The following CLN8 variants were observed in gnomAD, a reference collection of about 807,000 sequenced individuals.
CLN8 encodes protein CLN8.
CLN8 carries 14 observed loss-of-function variants against 15.7 expected under a neutral mutation model. That is an observed-to-expected ratio of 0.89 (90% confidence interval 0.59 to 1.39). CLN8 has a LOEUF of 1.39. CLN8 is among the 40% of genes most tolerant of loss of function. The probability of loss-of-function intolerance (pLI) is 0.00; values close to 1 mark genes in which losing one functional copy is unlikely to be tolerated. For synonymous variants in CLN8, 188 were observed against 151.0 expected, an observed-to-expected ratio of 1.25 and a Z score of -1.80; for missense variants, 415 against 364.0, an observed-to-expected ratio of 1.14 and a Z score of -1.14.
upstream of CLN8, among the ~76,000 whole-genome samples, chr8:1,755,045 C>T (rs1282492311): frequency 6.6e-6 from 1 of 152,162 alleles, no homozygotes; most frequent in Non-Finnish European, 1.5e-5. Context: ...CTGGGGCTGC[C>T]AGATCTGCTG....
chr8:1,772,616 C>G (rs1039113602), intron 2 of CLN8, among the ~76,000 whole-genome samples: 1 of 151,370 alleles, frequency 6.6e-6, no homozygotes, highest in African/African-American at 2.4e-5. Context: ...CACCACCACG[C>G]CTAGCTAATT....
Position 1,785,091 on chromosome 8 carries a change from C to T in CLN8, c.*4524C>T, listed in dbSNP as rs55915521. On this transcript the variant is annotated 3_prime_UTR_variant, in exon 3 of 3. Coordinates refer to ENST00000331222, the MANE Select transcript of CLN8 (RefSeq NM_018941.4). ...TCAAGTGTTTGACCAGGTCAGAACT[C>T]TTGTTCTATGCGAATGTGCTCACGC... 0.013 allele frequency: 1,994 copies of T among 155,114 alleles called. 19 individuals are homozygous for T. The highest frequency in any genetic ancestry group is 0.017 in the Non-Finnish European group (1,207 of 69,396). The allele number at this position is 155,114 out of a possible 1,614,324, so 9.6% of individuals were successfully genotyped here.
intron 2 of CLN8, chr8:1,773,708 G>A (rs539225714): frequency 6.6e-6 from 1 of 152,572 alleles, no homozygotes; most frequent in African/African-American, 2.4e-5. Context: ...AGTGAGATCA[G>A]TGTGGAGTGG....
intron 1 of CLN8, among the ~76,000 whole-genome samples, chr8:1,758,020 CCAG>C (rs1411578965): frequency 6.6e-6 from 1 of 152,070 alleles, no homozygotes; most frequent in African/African-American, 2.4e-5. Flanking sequence ...GGTCACACAG[CCAG>C]CAGAAGTAAC....
upstream of CLN8, among the ~76,000 whole-genome samples, chr8:1,754,767 G>A (rs752355557): frequency 2.7e-4 from 41 of 152,206 alleles, no homozygotes; most frequent in Non-Finnish European, 3.4e-4. Flanking sequence ...CACCATGCCT[G>A]CTCTGAGGAT....
chr8:1,779,497 G>A (rs554616780), intron 2 of CLN8, among the ~76,000 whole-genome samples: 75 of 152,276 alleles, frequency 4.9e-4, no homozygotes, highest in South Asian at 3.3e-3. Context: ...TACCCACTTC[G>A]GCCTCCCAAA....
rs778487425 is a variant in CLN8 at position 1,780,437 on chromosome 8, T to C, written c.731T>C (p.Ile244Thr). The stretch of plus-strand genomic sequence containing the variant: ...GTCGGACTGGCTCTGCTTACGCTAA[T>C]CATTAATCCATATTGGACCCATAAG... The part of the protein sequence containing the change: ...FLVGLALLTL[I>T]INPYWTHKKT... Residue 244 changes from isoleucine (I) to threonine (T), a missense_variant, in exon 3 of 3, where the codon ATC (isoleucine) becomes ACC (threonine). Ile to Thr is a moderately conservative substitution (Grantham distance 89). Coordinates refer to ENST00000331222, the MANE Select transcript of CLN8 (RefSeq NM_018941.4). The C allele has an allele frequency of 1.9e-6, 3 of 1,614,226 alleles. No individual in the cohort carries two copies. The highest frequency in any genetic ancestry group is 3.3e-5 in the Admixed American group (2 of 60,022).
chr8:1,780,764 T>C lies in CLN8; in HGVS notation c.*197T>C. 1.6e-6 allele frequency: 1 copy of C among 636,078 alleles called. No individual in the cohort carries two copies. Among genetic ancestry groups the C allele is most frequent in the Non-Finnish European group, 2.7e-6 (1 of 372,388 alleles). The allele number at this position is 636,078 out of a possible 1,614,324, so 39.4% of individuals were successfully genotyped here. The stretch of plus-strand genomic sequence containing the variant: ...TTTTAAGAAATTATAATTTTATGAC[T>C]GTCTGGCAGGCTCTGTCAGTTTAGC... On this transcript the variant is annotated 3_prime_UTR_variant, in exon 3 of 3. Transcript: ENST00000331222.
In CLN8 at chr8:1,765,167, C is replaced by G. The variant is rs1800999387; in HGVS notation, c.-124+1282C>G. Reference sequence around the variant, plus strand: ...TTCTCTAGGTGGCCTCAGAGATGTTCAATACACAATGTCTTCTGATAACGA... The same window carrying G: ...TTCTCTAGGTGGCCTCAGAGATGTTGAATACACAATGTCTTCTGATAACGA... On this transcript the variant is annotated intron_variant, in intron 1 of 2. Transcript: ENST00000331222. 2.0e-5 allele frequency: 3 copies of G among 152,158 alleles called. No homozygotes were observed. In the South Asian group the frequency reaches 6.2e-4, roughly 32 times the overall value. The allele number at this position is 152,158 out of a possible 1,614,324, so 9.4% of individuals were successfully genotyped here. A position where few individuals can be genotyped will look rare whatever the true frequency, so the allele number is the denominator to read the frequency against.
chr8:1,779,265 A>G (rs1186370839), intron 2 of CLN8, among the ~76,000 whole-genome samples: 1 of 152,146 alleles, frequency 6.6e-6, no homozygotes, highest in Non-Finnish European at 1.5e-5. Flanking sequence ...TATTTTTTTG[A>G]GACAGTCTTG....
upstream of CLN8, among the ~76,000 whole-genome samples, chr8:1,754,905 C>T (rs930435352): frequency 1.3e-5 from 2 of 152,222 alleles, no homozygotes; most frequent in Non-Finnish European, 2.9e-5. Flanking sequence ...GCCGGAAGTT[C>T]TTTCTTCAAA....
intron 2 of CLN8, among the ~76,000 whole-genome samples, chr8:1,775,055 C>T (rs1256436332): frequency 6.6e-6 from 1 of 152,102 alleles, no homozygotes; most frequent in Non-Finnish European, 1.5e-5. Context: ...TGTATGTATA[C>T]AGTCGACCTT....
intron 1 of CLN8, chr8:1,764,841 C>T (rs1469231312): frequency 6.6e-6 from 1 of 152,206 alleles, no homozygotes; most frequent in Non-Finnish European, 1.5e-5. Flanking sequence ...AAGACTGGCG[C>T]GAGGCGGCTG....
At chr8:1,766,574 G>T (rs1327026085) in intron 1 of CLN8, among the ~76,000 whole-genome samples, 2 of 151,692 alleles carry the variant, frequency 1.3e-5, no homozygotes, top group Non-Finnish European at 2.9e-5. Flanking sequence ...TTGTATTTTA[G>T]TAGAGACAAG....
intron 2 of CLN8, among the ~76,000 whole-genome samples, chr8:1,777,179 T>C (rs1186716792): frequency 1.3e-5 from 2 of 152,200 alleles, no homozygotes. Flanking sequence ...TACTGAATAC[T>C]GTAGGCAAGT....
rs2130991748 is a variant in CLN8 at position 1,771,375 on chromosome 8, C to G, written c.321C>G (p.Ile107Met). ...RGQQNWCWFH[I>M]TTATGFFCFE... Reference sequence around the variant, plus strand: ...AGCAGAACTGGTGCTGGTTTCACATCACGACAGCAACGGGATTCTTTTGCT... The same window carrying G: ...AGCAGAACTGGTGCTGGTTTCACATGACGACAGCAACGGGATTCTTTTGCT... The change falls in exon 2 of 3, where the codon ATC (isoleucine) becomes ATG (methionine). Residue 107 changes from isoleucine to methionine, a missense_variant. Ile to Met is a conservative substitution (Grantham distance 10). Coordinates refer to ENST00000331222, the MANE Select transcript of CLN8 (RefSeq NM_018941.4). The G allele has an allele frequency of 1.9e-6, 3 of 1,614,228 alleles. No homozygotes were observed. The highest frequency in any genetic ancestry group is 2.5e-6 in the Non-Finnish European group (3 of 1,180,050).
At chr8:1,774,292 A>T (rs1801428072) in intron 2 of CLN8, among the ~76,000 whole-genome samples, 1 of 152,204 alleles carries the variant, frequency 6.6e-6, no homozygotes, top group Non-Finnish European at 1.5e-5. Flanking sequence ...TTTACTTCTA[A>T]CCCTGCTCAT....
chr8:1,775,027 C>T (rs756127543), intron 2 of CLN8, among the ~76,000 whole-genome samples: 8 of 151,864 alleles, frequency 5.3e-5, no homozygotes, highest in Admixed American at 2.0e-4. Flanking sequence ...TGTATATATA[C>T]ATGTGTGTGT....
chr8:1,779,264 G>C (rs1250225805), intron 2 of CLN8, among the ~76,000 whole-genome samples: 1 of 151,966 alleles, frequency 6.6e-6, no homozygotes, highest in Non-Finnish European at 1.5e-5. Context: ...TTATTTTTTT[G>C]AGACAGTCTT....
Sources: allele counts gnomAD v4.1 joint callset (sites outside exome capture counted in the v4.1 genomes callset), GRCh38; gene constraint gnomAD v4.1.1; transcripts MANE v1.5; gene names NCBI Gene and HGNC (gene_info 2026-07-23, HGNC 2026-07-21).